The following PHF21A variants were observed in gnomAD, a reference collection of about 807,000 sequenced individuals.
The protein encoded by PHF21A is PHD finger protein 21A.
A neutral mutation model predicts 82.5 loss-of-function variants in PHF21A; 11 were observed. The ratio of observed to expected loss-of-function variants is 0.13; its 90% CI spans 0.08 to 0.22. PHF21A has a LOEUF of 0.22. PHF21A is among the 10% of genes least tolerant of loss of function. PHF21A has a pLI of 1.00. For synonymous variants in PHF21A, 297 were observed against 302.8 expected (o/e 0.98, Z 0.20); for missense variants, 579 against 837.8 (o/e 0.69, Z 3.81).
chr11:46,083,725 T>A (rs892401839), intron 4 of PHF21A: 1 of 152,450 alleles, frequency 6.6e-6, no homozygotes, highest in Non-Finnish European at 1.5e-5. Flanking sequence ...AATTTAAACA[T>A]CTGTGAAGAT....
chr11:46,084,748 C>G (rs1229464339), intron 3 of PHF21A, among the ~76,000 whole-genome samples: 2 of 151,140 alleles, frequency 1.3e-5, no homozygotes, highest in Admixed American at 1.3e-4. Flanking sequence ...GGTGCAATCT[C>G]AGCTCACTGC....
At chr11:46,017,832 G>A (rs1222888606) in intron 6 of PHF21A, among the ~76,000 whole-genome samples, 3 of 152,144 alleles carry the variant, frequency 2.0e-5, no homozygotes, top group Non-Finnish European at 4.4e-5. Flanking sequence ...AAAGCACAGT[G>A]TAAATAGCCA....
intron 6 of PHF21A, among the ~76,000 whole-genome samples, chr11:46,007,544 C>T (rs1207806666): frequency 6.6e-6 from 1 of 152,134 alleles, no homozygotes; most frequent in African/African-American, 2.4e-5. Context: ...GAACTCCTGA[C>T]CTCAGGTGAT....
In PHF21A at chr11:46,103,161, T is replaced by A. The variant is rs111664751; in HGVS notation, c.-236-10938A>T. 4.3e-3 allele frequency among the ~76,000 whole-genome samples: 655 copies of A among 152,320 alleles called. 4 individuals carry two copies. The highest frequency in any genetic ancestry group is 0.015 in the African/African-American group (609 of 41,566). ...GCAGGGACAAACTGATTTTCAAAAT[T>A]GTATAATTCTTTAACTCAACCCCCA... On this transcript the variant is annotated intron_variant, in intron 1 of 18. Transcript: ENST00000676320.
At chr11:45,953,697 ATAG>A (rs1348129431) in intron 10 of PHF21A, 72 bp from the exon 11 acceptor site, 8 of 869,414 alleles carry the variant, frequency 9.2e-6, no homozygotes, top group South Asian at 7.2e-5. Context: ...CAGAAGTTTA[ATAG>A]TAGTAGTCAA....
chr11:46,025,941 G>GA (rs1386767655), intron 6 of PHF21A, among the ~76,000 whole-genome samples: 1 of 152,130 alleles, frequency 6.6e-6, no homozygotes, highest in East Asian at 1.9e-4. Flanking sequence ...ATGTTGAGGG[G>GA]AAAAATCAGA....
intron 1 of PHF21A, among the ~76,000 whole-genome samples, chr11:46,106,055 T>C (rs745471544): frequency 2.6e-5 from 4 of 152,210 alleles, no homozygotes; most frequent in Admixed American, 6.5e-5. Flanking sequence ...ACTGAGAACC[T>C]GACACAATGA....
chr11:46,112,074 T>G (rs966050813), intron 1 of PHF21A, among the ~76,000 whole-genome samples: 9 of 152,196 alleles, frequency 5.9e-5, no homozygotes, highest in African/African-American at 1.9e-4. Context: ...ACCAAAGGCT[T>G]GTGGTATGGA....
chr11:46,081,572 T>C (rs1463877797), intron 4 of PHF21A, among the ~76,000 whole-genome samples: 1 of 152,220 alleles, frequency 6.6e-6, no homozygotes. Flanking sequence ...CTGTAAGCAG[T>C]TAAACTGCAT....
intron 6 of PHF21A, among the ~76,000 whole-genome samples, chr11:46,014,660 C>T (rs191874553): frequency 2.7e-3 from 412 of 152,332 alleles, no homozygotes; most frequent in Non-Finnish European, 3.3e-3. Flanking sequence ...GCCTCTCCAA[C>T]ATCTGTTATT....
rs2092379125 is a variant in PHF21A, at chr11:45,953,692, G to GT, written c.997-68dup. ...TATTAAAAGGATGAAGCAATCAGAA[G>GT]TTTAATAGTAGTAGTCAAGAAGAAA... is the stretch of plus-strand genomic sequence containing the variant. On this transcript the variant is annotated intron_variant, in intron 10 of 18. Coordinates refer to ENST00000676320, the MANE Select transcript of PHF21A (RefSeq NM_001352027.3). 9.8e-6 allele frequency: 9 copies of GT among 916,964 alleles called. No individual in the cohort carries two copies. In the South Asian group the frequency reaches 1.3e-4, roughly 13 times the overall value. 56.8% of individuals were successfully genotyped at this position (916,964 alleles called of 1,614,324 possible). A position where few individuals can be genotyped will look rare whatever the true frequency, so the allele number is the denominator to read the frequency against.
intron 6 of PHF21A, among the ~76,000 whole-genome samples, chr11:46,032,258 G>C (rs1055255853): frequency 1.3e-5 from 2 of 151,990 alleles, no homozygotes; most frequent in South Asian, 4.2e-4. Flanking sequence ...TTTTTTTCAA[G>C]AAATTAAAAT....
At chr11:46,038,498 A>C (rs547335507) in intron 6 of PHF21A, among the ~76,000 whole-genome samples, 1 of 152,280 alleles carries the variant, frequency 6.6e-6, no homozygotes, top group South Asian at 2.1e-4. Context: ...TTCTTGAAGG[A>C]GGTAAAGGAG....
chr11:46,043,841 A>G (rs2138876428), intron 6 of PHF21A, among the ~76,000 whole-genome samples: 1 of 152,294 alleles, frequency 6.6e-6, no homozygotes, highest in East Asian at 1.9e-4. Context: ...GCAGTTTTCT[A>G]ATCATTTCAC....
intron 6 of PHF21A, among the ~76,000 whole-genome samples, chr11:46,017,385 A>T (rs1460149755): frequency 6.6e-6 from 1 of 152,224 alleles, no homozygotes; most frequent in Admixed American, 6.5e-5. Context: ...GGAGATACTA[A>T]AGTATATTGA....
rs748967157 is a variant in PHF21A at position 45,975,377 on chromosome 11, T to TAAAATAAAATAAAATAAAAC, written c.361-4011_361-4010insGTTTTATTTTATTTTATTTT. Among the ~76,000 whole-genome samples, 463 of 130,504 alleles carry TAAAATAAAATAAAATAAAAC rather than the reference T, an allele frequency of 3.5e-3. 7 individuals carry two copies. The highest frequency in any genetic ancestry group is 0.012 in the African/African-American group (438 of 35,978). The allele number at this position is 130,504 out of a possible 152,430, so 85.6% of individuals were successfully genotyped here. On this transcript the variant is annotated intron_variant, in intron 7 of 18. Coordinates refer to ENST00000676320, the MANE Select transcript of PHF21A (RefSeq NM_001352027.3). The stretch of plus-strand genomic sequence containing the variant: ...TAAAATAAAATAAAATAAAATAAAA[T>TAAAATAAAATAAAATAAAAC]AAAACAAAACAAAATAAAATAAAAC...
intron 6 of PHF21A, among the ~76,000 whole-genome samples, chr11:46,071,048 G>A (rs1006796468): frequency 3.3e-5 from 5 of 152,098 alleles, no homozygotes; most frequent in Non-Finnish European, 7.3e-5. Context: ...TAGACTAAGT[G>A]CGGTAGATGA....
intron 1 of PHF21A, among the ~76,000 whole-genome samples, chr11:46,098,292 T>C (rs2097031364): frequency 6.6e-6 from 1 of 152,232 alleles, no homozygotes; most frequent in African/African-American, 2.4e-5. Flanking sequence ...CCAGTGGTTG[T>C]AGTGTCTAAG....
intron 9 of PHF21A, among the ~76,000 whole-genome samples, chr11:45,969,195 TC>T (rs1338424936): frequency 3.3e-5 from 5 of 152,162 alleles, no homozygotes; most frequent in African/African-American, 1.2e-4. Context: ...AAGTCAACAC[TC>T]CTCAAGGTCC....
Sources: gnomAD v4.1 joint callset for allele counts (sites outside exome capture counted in the v4.1 genomes callset) on GRCh38, gnomAD v4.1.1 for gene constraint, MANE v1.5 for transcripts, NCBI Gene and HGNC (gene_info 2026-07-23, HGNC 2026-07-21) for gene names.